MOV10L1: variants seen among roughly 807,000 people sequenced by gnomAD.
MOV10L1 encodes RNA helicase Mov10l1.
Under a neutral mutation model 143.8 loss-of-function variants are expected in MOV10L1, and 110 were observed. The ratio of observed to expected loss-of-function variants is 0.76; its 90% confidence interval spans 0.66 to 0.90. MOV10L1 has a LOEUF of 0.90. Ranked by LOEUF, MOV10L1 falls within the 40% of genes least tolerant of loss-of-function variation. The pLI is 0.00. For missense variants in MOV10L1, 1,406 were observed against 1,526.8 expected (o/e 0.92, Z 1.32); for synonymous variants, 593 against 581.1 (o/e 1.02, Z -0.29).
chr22:50,130,439 A>G (rs1338756060), intron 13 of MOV10L1, among the ~76,000 whole-genome samples: 1 of 152,156 alleles, frequency 6.6e-6, no homozygotes, highest in African/African-American at 2.4e-5. Context: ...GAATGTATTG[A>G]GAATGAATGA....
In MOV10L1 at chr22:50,150,865, C is replaced by T; in HGVS notation, c.2858C>T (p.Ala953Val). The part of the protein sequence containing the change: ...SRPAYQRDEN[A>V]FGACGAHNPL... ...CCCGCGTACCAGAGGGACGAAAATGCTTTCGGTGCTTGTGGCGCACATAAT... is the reference window on the plus strand; with the variant it reads ...CCCGCGTACCAGAGGGACGAAAATGTTTTCGGTGCTTGTGGCGCACATAAT... The change falls in exon 21 of 27, where the codon GCT (alanine) becomes GTT (valine). Residue 953 changes from alanine (A) to valine (V), a missense_variant. This residue lies in a region of MOV10L1 where 1,233 missense variants were observed against 1,351.4 expected (regional missense o/e 0.91). Transcript: ENST00000262794. 1.9e-6 allele frequency: 3 copies of T among 1,614,206 alleles called. No individual in the cohort carries two copies. Among genetic ancestry groups the T allele is most frequent in the Non-Finnish European group, 2.5e-6 (3 of 1,180,032 alleles).
chr22:50,100,503 T>TTTTC (rs910816356), intron 3 of MOV10L1, among the ~76,000 whole-genome samples: 29 of 152,066 alleles, frequency 1.9e-4, no homozygotes, highest in African/African-American at 4.3e-4. Flanking sequence ...TATATATCCT[T>TTTTC]TTTCTTTCTT....
chr22:50,144,223 G>A lies in MOV10L1; in HGVS notation c.2485G>A (p.Ala829Thr), dbSNP rs775159351. 1.9e-6 allele frequency: 3 copies of A among 1,606,998 alleles called. No homozygotes were observed. Among genetic ancestry groups the A allele is most frequent in the South Asian group, 1.1e-5 (1 of 90,948 alleles). Reference sequence around the variant, plus strand: ...GCCGGCCACCATGGTCCGGGTGAACGCCACCTGCAGGTTCGAGGAGGTGAG... The same window carrying A: ...GCCGGCCACCATGGTCCGGGTGAACACCACCTGCAGGTTCGAGGAGGTGAG... Reference protein sequence around the residue: ...LQPATMVRVNATCRFEEIVID... With the variant: ...LQPATMVRVNTTCRFEEIVID... The change falls in exon 18 of 27, where the codon GCC (alanine) becomes ACC (threonine). Residue 829 changes from alanine (A) to threonine (T), a missense_variant. By Grantham distance (58) the Ala-to-Thr change is moderately conservative. Transcript: ENST00000262794.
intron 11 of MOV10L1, 72 bp from the exon 12 acceptor site, chr22:50,126,130 G>T: frequency 9.0e-7 from 1 of 1,112,070 alleles, no homozygotes; most frequent in South Asian, 1.3e-5. Context: ...CTCAGTGTTG[G>T]ATTTTATAGG....
At chr22:50,134,124 T>G (rs2062755569) in intron 14 of MOV10L1, 59 bp downstream of exon 14, 7 of 1,372,088 alleles carry the variant, frequency 5.1e-6, no homozygotes, top group Non-Finnish European at 7.0e-6. Flanking sequence ...ATAGGCTTCA[T>G]GTAAAATTTT....
At chr22:50,114,647 G>T in intron 7 of MOV10L1, 25 bp downstream of exon 7, 1 of 1,610,440 alleles carries the variant, frequency 6.2e-7, no homozygotes, top group East Asian at 2.2e-5. Context: ...GGCTGTCACT[G>T]CGTGAGGTCG....
At chr22:50,108,543 C>T in intron 4 of MOV10L1, 114 bp from the exon 5 acceptor site, 2 of 1,194,208 alleles carry the variant, frequency 1.7e-6, no homozygotes, top group Non-Finnish European at 2.4e-6. Flanking sequence ...GGATGGCGGA[C>T]TTGAGCTTCC....
chr22:50,158,098 C>T lies in MOV10L1; in HGVS notation c.3108C>T (p.Asn1036=), dbSNP rs768935568. Residue 1036 remains asparagine (N), a synonymous_variant, in exon 23 of 27, where the codon AAC becomes AAT. Coordinates refer to ENST00000262794, the MANE Select transcript of MOV10L1 (RefSeq NM_018995.3). This position sits in a 1 kb window ranked among gnomAD's most constrained non-coding sequence, Gnocchi z 5.0. ...AREGKSPSWF[N]PAEAVQVLRY... is the part of the protein sequence containing the mutation. ...AGGGAAAAAGCCCATCGTGGTTCAA[C>T]CCGGCCGAGGCCGTCCAGGTCCTGC... 1.2e-6 allele frequency: 2 copies of T among 1,614,174 alleles called. No homozygotes were observed. Among genetic ancestry groups the T allele is most frequent in the East Asian group, 4.5e-5 (2 of 44,884 alleles).
chr22:50,151,690 C>T (rs1289731360), intron 21 of MOV10L1, among the ~76,000 whole-genome samples: 1 of 152,250 alleles, frequency 6.6e-6, no homozygotes, highest in Non-Finnish European at 1.5e-5. Flanking sequence ...AGGTTCGCCT[C>T]ATCCTCCAGT....
At chr22:50,108,549 C>A in intron 4 of MOV10L1, 108 bp from the exon 5 acceptor site, 2 of 1,253,282 alleles carry the variant, frequency 1.6e-6, no homozygotes, top group Non-Finnish European at 2.3e-6. Flanking sequence ...CGGACTTGAG[C>A]TTCCTGGTGC....
At chr22:50,129,550 C>T (rs112542953) in intron 13 of MOV10L1, among the ~76,000 whole-genome samples, 151 of 152,214 alleles carry the variant, frequency 9.9e-4, no homozygotes, top group African/African-American at 3.3e-3. Flanking sequence ...TTTGCTGTTA[C>T]GATTGTTTGC....
chr22:50,125,287 C>T lies in MOV10L1; in HGVS notation c.1570-105C>T, dbSNP rs565910667. ...GGCGAGGATCGCCCCACCTGGGGGGCCATCTGCTGAACTGGAGCTGTTGGA... is the reference window on the plus strand; with the variant it reads ...GGCGAGGATCGCCCCACCTGGGGGGTCATCTGCTGAACTGGAGCTGTTGGA... On this transcript the variant is annotated intron_variant, in intron 10 of 26. Transcript: ENST00000262794. 1.1e-5 allele frequency: 13 copies of T among 1,143,556 alleles called. No homozygotes were observed. In the East Asian group the frequency reaches 3.1e-4, roughly 27 times the overall value. 70.8% of individuals were successfully genotyped at this position (1,143,556 alleles called of 1,614,324 possible). A position where few individuals can be genotyped will look rare whatever the true frequency, so the allele number is the denominator to read the frequency against.
Position 50,129,493 on chromosome 22 carries a change from G to A in MOV10L1, c.1910+986G>A, listed in dbSNP as rs563818825. Among the ~76,000 whole-genome samples, 90 of 152,284 alleles carry A rather than the reference G, an allele frequency of 5.9e-4. 1 individual carries two copies. The highest frequency in any genetic ancestry group is 1.9e-3 in the African/African-American group (78 of 41,546). ...TTGTAACTGCTGTTCATTGGTTTGC[G>A]GTTGTGTGAATACCCGCTGTTTTTC... On this transcript the variant is annotated intron_variant, in intron 13 of 26. Transcript: ENST00000262794.
Position 50,158,608 on chromosome 22 carries a change from G to A in MOV10L1, c.3216+402G>A, listed in dbSNP as rs181924406. On this transcript the variant is annotated intron_variant, in intron 23 of 26. Coordinates refer to ENST00000262794, the MANE Select transcript of MOV10L1 (RefSeq NM_018995.3). This position sits in a 1 kb window ranked among gnomAD's most constrained non-coding sequence, Gnocchi z 5.0. ...GTGATGTGATTATAGGAGAGTTAGC[G>A]TCCCCAGGCCCCAGGGGCTGGTCCC... 33 of 165,252 alleles carry A rather than the reference G, an allele frequency of 2.0e-4. No individual in the cohort carries two copies. Among genetic ancestry groups the A allele is most frequent in the Admixed American group, 1.7e-3 (27 of 16,188 alleles). 10.2% of individuals were successfully genotyped at this position (165,252 alleles called of 1,614,324 possible).
intron 22 of MOV10L1, among the ~76,000 whole-genome samples, chr22:50,156,119 CTTT>C (rs35419031): frequency 7.0e-6 from 1 of 141,878 alleles, no homozygotes; most frequent in East Asian, 2.0e-4. Context: ...ATGTTAAAAA[CTTT>C]TTTTTTTTTT....
At chr22:50,096,231 T>A (rs1300895371) in intron 2 of MOV10L1, 1 of 152,254 alleles carries the variant, frequency 6.6e-6, no homozygotes, top group African/African-American at 2.4e-5. Flanking sequence ...TCTATGAATT[T>A]GCCCATTCTA....
At chr22:50,115,434 T>A (rs1242671064) in intron 8 of MOV10L1, among the ~76,000 whole-genome samples, 188 bp downstream of exon 8, 1 of 152,116 alleles carries the variant, frequency 6.6e-6, no homozygotes, top group African/African-American at 2.4e-5. Context: ...GCCCCTGTAG[T>A]CCTAGCTACT....
chr22:50,154,660 A>G (rs1470112498), intron 22 of MOV10L1, among the ~76,000 whole-genome samples: 1 of 152,224 alleles, frequency 6.6e-6, no homozygotes, highest in East Asian at 1.9e-4. Context: ...CTGGTAGGCC[A>G]TGGCGGAGAA....
intron 13 of MOV10L1, among the ~76,000 whole-genome samples, chr22:50,129,017 T>G (rs1008458062): frequency 3.9e-5 from 6 of 152,186 alleles, no homozygotes; most frequent in Non-Finnish European, 8.8e-5. Context: ...GTATGTCTGT[T>G]GACATCTAAG....
Sources: allele counts gnomAD v4.1 joint callset (sites outside exome capture counted in the v4.1 genomes callset), GRCh38; gene constraint gnomAD v4.1.1; regional missense constraint gnomAD v4.1.1; non-coding constraint Gnocchi (gnomAD v3.1); transcripts MANE v1.5; gene names NCBI Gene and HGNC (gene_info 2026-07-23, HGNC 2026-07-21).